CYFIP2: variants seen among roughly 807,000 people sequenced by gnomAD.
The protein encoded by CYFIP2 is cytoplasmic FMR1-interacting protein 2.
In CYFIP2, 29 loss-of-function variants were observed where a neutral mutation model predicts 158.7. That is an observed-to-expected ratio of 0.18 (90% CI 0.14 to 0.25). The LOEUF (loss-of-function observed/expected upper bound fraction) is 0.25. CYFIP2 is among the 10% of genes least tolerant of loss of function. CYFIP2 has a pLI of 1.00. For missense variants in CYFIP2, 852 were observed against 1,639.5 expected, an observed-to-expected ratio of 0.52 and a Z score of 8.29; for synonymous variants, 585 against 617.6, an observed-to-expected ratio of 0.95 and a Z score of 0.78.
chr5:157,344,783 A>G (rs1042683419), intron 23 of CYFIP2, among the ~76,000 whole-genome samples: 1 of 152,192 alleles, frequency 6.6e-6, no homozygotes, highest in African/African-American at 2.4e-5. Flanking sequence ...ACAGCTGTCA[A>G]CTGGATTTTC....
rs143750358 is a variant in CYFIP2, at chr5:157,315,199, G to A, written c.1356+105G>A. On this transcript the variant is annotated intron_variant, in intron 13 of 30. Coordinates refer to ENST00000620254, the MANE Select transcript of CYFIP2 (RefSeq NM_001037333.3). ...AACAGCATCGGTTGCCCTAATTTTC[G>A]TGCTCTTCCCTGTCCTACCATCTAA... 5.9e-4 allele frequency: 870 copies of A among 1,465,396 alleles called. 6 individuals carry two copies. The African/African-American group carries it at 9.9e-3, about 17-fold the overall frequency. 90.8% of individuals were successfully genotyped at this position (1,465,396 alleles called of 1,614,324 possible).
chr5:157,370,856 G>A (rs1008516257), intron 26 of CYFIP2, among the ~76,000 whole-genome samples: 1 of 152,226 alleles, frequency 6.6e-6, no homozygotes, highest in Non-Finnish European at 1.5e-5. Flanking sequence ...CAATTCAGGG[G>A]ACGGAGGAAG....
At chr5:157,296,283 G>C (rs1758248880) in intron 4 of CYFIP2, among the ~76,000 whole-genome samples, 1 of 152,076 alleles carries the variant, frequency 6.6e-6, no homozygotes, top group African/African-American at 2.4e-5. Context: ...ATTTGAGAGT[G>C]AAAAAGGGCC....
intron 23 of CYFIP2, chr5:157,343,050 C>T (rs777526596): frequency 6.2e-7 from 1 of 1,614,238 alleles, no homozygotes; most frequent in Non-Finnish European, 8.5e-7. Flanking sequence ...GGGGCCTCCT[C>T]TGGCCATCTC....
chr5:157,352,925 A>G (rs1763166116), intron 23 of CYFIP2, among the ~76,000 whole-genome samples: 1 of 152,120 alleles, frequency 6.6e-6, no homozygotes, highest in African/African-American at 2.4e-5. Context: ...CAGCAGAGAG[A>G]TGGGAAGATT....
At chr5:157,307,657 A>ATGTG (rs1174192715) in intron 8 of CYFIP2, 104 bp from the exon 9 acceptor site, 13 of 266,720 alleles carry the variant, frequency 4.9e-5, no homozygotes, top group African/African-American at 8.8e-5. Flanking sequence ...GTGTGTGTGT[A>ATGTG]TGTGTGTGTG....
chr5:157,364,668 T>C (rs6555971), intron 26 of CYFIP2: 50,206 of 152,118 alleles, frequency 0.33, 8,689 homozygotes, highest in Middle Eastern at 0.43. Flanking sequence ...GTCCTCATTC[T>C]GCTTTCTACT....
At chr5:157,273,828 T>C (rs1435357607) in intron 1 of CYFIP2, among the ~76,000 whole-genome samples, 2 of 152,174 alleles carry the variant, frequency 1.3e-5, no homozygotes, top group African/African-American at 4.8e-5. Context: ...ACTGTACAAT[T>C]CACTCATTTA....
chr5:157,388,568 A>G (rs896722088), intron 28 of CYFIP2, among the ~76,000 whole-genome samples: 1 of 152,202 alleles, frequency 6.6e-6, no homozygotes, highest in Non-Finnish European at 1.5e-5. Flanking sequence ...CATCACACAT[A>G]CTTTCATCTG....
At position 157,371,306 on chromosome 5, in the gene CYFIP2, C is replaced by T. The variant is rs970495531; in HGVS notation, c.3039+9708C>T. Among the ~76,000 whole-genome samples, 4 of 152,204 alleles carry T rather than the reference C, an allele frequency of 2.6e-5. No individual in the cohort carries two copies. The South Asian group carries it at 8.3e-4, about 31-fold the overall frequency. ...TGCCAGAAAATCCAAGCAGCGATCCCTGTGGGGTGCCTGGACCTCCCATTT... is the reference window on the plus strand; with the variant it reads ...TGCCAGAAAATCCAAGCAGCGATCCTTGTGGGGTGCCTGGACCTCCCATTT... On this transcript the variant is annotated intron_variant, in intron 26 of 30. Coordinates refer to ENST00000620254, the MANE Select transcript of CYFIP2 (RefSeq NM_001037333.3).
chr5:157,286,784 T>C (rs1214298592), intron 2 of CYFIP2, among the ~76,000 whole-genome samples: 1 of 152,152 alleles, frequency 6.6e-6, no homozygotes, highest in South Asian at 2.1e-4. Flanking sequence ...GAAGCTCAGA[T>C]GAGTGAACCT....
At chr5:157,391,735 A>G (rs1265319110) in intron 30 of CYFIP2, among the ~76,000 whole-genome samples, 1 of 152,212 alleles carries the variant, frequency 6.6e-6, no homozygotes, top group Non-Finnish European at 1.5e-5. Context: ...ACCATGAAAC[A>G]TGGGTGTACA....
At chr5:157,268,265 C>T (rs1052234961) in intron 1 of CYFIP2, among the ~76,000 whole-genome samples, 2 of 152,190 alleles carry the variant, frequency 1.3e-5, no homozygotes, top group African/African-American at 2.4e-5. Context: ...TGTTCAGTCC[C>T]TGCTGGAAAA....
In CYFIP2 at chr5:157,311,619, C is replaced by A; in HGVS notation, c.993-45C>A. 1.3e-6 allele frequency: 2 copies of A among 1,532,252 alleles called. No homozygotes were observed. The highest frequency in any genetic ancestry group is 1.4e-5 in the African/African-American group (1 of 73,010). The allele number at this position is 1,532,252 out of a possible 1,614,324, so 94.9% of individuals were successfully genotyped here. On this transcript the variant is annotated intron_variant, in intron 10 of 30. Coordinates refer to ENST00000620254, the MANE Select transcript of CYFIP2 (RefSeq NM_001037333.3). The surrounding 1 kb of genome is among the most constrained non-coding windows in gnomAD (Gnocchi z 4.7). The stretch of plus-strand genomic sequence containing the variant: ...GCAGCTAATGCCTGTTCCACCCAGG[C>A]GCCTGAGGCTGGGACCCTCTCCGAC...
intron 26 of CYFIP2, among the ~76,000 whole-genome samples, chr5:157,371,475 AG>A (rs1471934377): frequency 6.6e-6 from 1 of 152,228 alleles, no homozygotes; most frequent in Non-Finnish European, 1.5e-5. Context: ...TTTTTCACTC[AG>A]CTGTGAACAG....
chr5:157,373,303 A>G (rs1765162487), intron 26 of CYFIP2, among the ~76,000 whole-genome samples: 1 of 152,222 alleles, frequency 6.6e-6, no homozygotes, highest in Admixed American at 6.5e-5. Flanking sequence ...ACTGAATCCC[A>G]CTGTCCTTGG....
chr5:157,319,633 C>T, intron 13 of CYFIP2, 129 bp from the exon 14 acceptor site: 1 of 1,144,714 alleles, frequency 8.7e-7, no homozygotes, highest in Non-Finnish European at 1.2e-6. Flanking sequence ...TGCGCTGGCA[C>T]TTTGAGTAGC....
intron 17 of CYFIP2, 71 bp from the exon 18 acceptor site, chr5:157,326,100 A>G (rs1760998175): frequency 8.7e-7 from 1 of 1,154,896 alleles, no homozygotes; most frequent in Non-Finnish European, 1.3e-6. Flanking sequence ...TCTATTTCCC[A>G]AGCAAGTATA....
intron 24 of CYFIP2, among the ~76,000 whole-genome samples, 165 bp downstream of exon 24, chr5:157,359,313 C>A (rs948870159): frequency 6.6e-6 from 1 of 152,204 alleles, no homozygotes; most frequent in East Asian, 1.9e-4. Flanking sequence ...CTGGATTGGT[C>A]TTACCTATCA....
Sources: allele counts gnomAD v4.1 joint callset (sites outside exome capture counted in the v4.1 genomes callset), GRCh38; gene constraint gnomAD v4.1.1; non-coding constraint Gnocchi (gnomAD v3.1); transcripts MANE v1.5; gene names NCBI Gene and HGNC (gene_info 2026-07-23, HGNC 2026-07-21).